The following BRMS1L variants were observed in gnomAD, a reference collection of about 807,000 sequenced individuals.
BRMS1L encodes BRMS1 like transcriptional repressor.
BRMS1L carries 23 observed loss-of-function variants against 50.3 expected under a neutral mutation model. The observed-to-expected ratio is 0.46, with a 90% confidence interval of 0.33 to 0.65. The LOEUF is 0.65. Ranked by LOEUF, BRMS1L falls within the 30% of genes least tolerant of loss-of-function variation. The pLI is 0.02. For missense variants in BRMS1L, 286 were observed against 386.1 expected (o/e 0.74, Z 2.17); for synonymous variants, 114 against 126.9 (o/e 0.90, Z 0.69).
At chr14:35,831,245 T>G (rs1271101737) in intron 1 of BRMS1L, among the ~76,000 whole-genome samples, 165 bp from the exon 2 acceptor site, 1 of 152,194 alleles carries the variant, frequency 6.6e-6, no homozygotes, top group Non-Finnish European at 1.5e-5. Flanking sequence ...CAGCAGAAAT[T>G]ATTATTTTTG....
Position 35,833,126 on chromosome 14 carries a change from T to C in BRMS1L, c.361+21T>C, listed in dbSNP as rs754682205. ...AGCAGGTAGGAAAGTGAAGAATCTT[T>C]TCCATATATAGAATGTAAACTCTTC... On this transcript the variant is annotated intron_variant, in intron 3 of 9. Coordinates refer to ENST00000216807, the MANE Select transcript of BRMS1L (RefSeq NM_032352.4). 5.6e-6 allele frequency: 9 copies of C among 1,600,494 alleles called. No homozygotes were observed. The South Asian group carries it at 8.9e-5, about 16-fold the overall frequency.
At chr14:35,831,095 G>A (rs2077914385) in intron 1 of BRMS1L, among the ~76,000 whole-genome samples, 1 of 151,686 alleles carries the variant, frequency 6.6e-6, no homozygotes. Flanking sequence ...TCATGGTACC[G>A]TGCCCAGCTA....
At chr14:35,843,813 C>T (rs1024503536) in intron 4 of BRMS1L, among the ~76,000 whole-genome samples, 3 of 152,224 alleles carry the variant, frequency 2.0e-5, no homozygotes, top group African/African-American at 7.2e-5. Flanking sequence ...GGTGCTCTGT[C>T]CTAGGGAGAT....
Position 35,826,424 on chromosome 14 carries a change from G to T in BRMS1L, c.-93G>T. On this transcript the variant is annotated 5_prime_UTR_variant, in exon 1 of 10. Coordinates refer to ENST00000216807, the MANE Select transcript of BRMS1L (RefSeq NM_032352.4). ...GCCAAGGGGGCGAGCAAGCTCGGTG[G>T]CTGGGTGGGTTGGGGCGTTCCGCGC... The T allele has an allele frequency of 1.3e-6, 2 of 1,531,538 alleles. No individual in the cohort carries two copies. Among genetic ancestry groups the T allele is most frequent in the Non-Finnish European group, 1.8e-6 (2 of 1,138,000 alleles). The allele number at this position is 1,531,538 out of a possible 1,614,324, so 94.9% of individuals were successfully genotyped here.
In BRMS1L at chr14:35,859,421, G is replaced by A. The variant is rs186117333; in HGVS notation, c.442-3169G>A. 4.8e-3 allele frequency among the ~76,000 whole-genome samples: 732 copies of A among 152,242 alleles called. 7 individuals are homozygous for A. The highest frequency in any genetic ancestry group is 0.016 in the African/African-American group (678 of 41,532). ...ATCATGTTTCCTCAGAATTTTGAAG[G>A]CATTGTTCCATTATCTTCTAGCTTC... On this transcript the variant is annotated intron_variant, in intron 4 of 9. Coordinates refer to ENST00000216807, the MANE Select transcript of BRMS1L (RefSeq NM_032352.4).
At chr14:35,867,820 G>T in intron 8 of BRMS1L, 86 bp from the exon 9 acceptor site, 3 of 1,311,728 alleles carry the variant, frequency 2.3e-6, no homozygotes, top group Non-Finnish European at 3.0e-6. Flanking sequence ...CATATGCATG[G>T]ATTGATGTTA....
chr14:35,855,347 G>A (rs1365643037), intron 4 of BRMS1L, among the ~76,000 whole-genome samples: 3 of 151,998 alleles, frequency 2.0e-5, no homozygotes, highest in East Asian at 1.9e-4. Context: ...CCACCTCAGC[G>A]TCCCAAAGCA....
chr14:35,826,455 T>A lies in BRMS1L; in HGVS notation c.-62T>A. 1 of 1,549,114 alleles carries A rather than the reference T, an allele frequency of 6.5e-7. No homozygotes were observed. Among genetic ancestry groups the A allele is most frequent in the South Asian group, 1.2e-5 (1 of 84,024 alleles). On this transcript the variant is annotated 5_prime_UTR_variant, in exon 1 of 10. Coordinates refer to ENST00000216807, the MANE Select transcript of BRMS1L (RefSeq NM_032352.4). ...TGGGTTGGGGCGTTCCGCGCGCCCT[T>A]CATTGAAGCGGCGGTGGCCGGGCTG...
intron 4 of BRMS1L, among the ~76,000 whole-genome samples, chr14:35,838,201 A>T (rs2078018463): frequency 6.6e-6 from 1 of 152,088 alleles, no homozygotes; most frequent in South Asian, 2.1e-4. Context: ...AAGGACATGA[A>T]CTCATCCTTT....
At chr14:35,828,755 C>T (rs779461161) in intron 1 of BRMS1L, among the ~76,000 whole-genome samples, 15 of 151,970 alleles carry the variant, frequency 9.9e-5, no homozygotes, top group Non-Finnish European at 1.9e-4. Flanking sequence ...CGTGCCTGGC[C>T]GACGTGTTGC....
rs746699961 is a variant in BRMS1L at position 35,832,954 on chromosome 14, CAT to C, written c.234-21_234-20del. On this transcript the variant is annotated intron_variant, in intron 2 of 9. Transcript: ENST00000216807. ...GCCTTTGTTGAGATTTTTAAATTAA[CAT>C]ATTAATTTTTGCTTTGTTAAGACTT... The C allele has an allele frequency of 2.3e-5, 36 of 1,564,086 alleles. No homozygotes were observed. In the South Asian group the frequency reaches 3.6e-4, roughly 16 times the overall value.
At chr14:35,857,940 T>A (rs1353504490) in intron 4 of BRMS1L, among the ~76,000 whole-genome samples, 2 of 150,990 alleles carry the variant, frequency 1.3e-5, no homozygotes, top group African/African-American at 4.9e-5. Flanking sequence ...ACATGTACAG[T>A]TGTATTGATT....
intron 6 of BRMS1L, 44 bp from the exon 7 acceptor site, chr14:35,864,891 A>G: frequency 7.7e-7 from 1 of 1,290,752 alleles, no homozygotes; most frequent in Non-Finnish European, 1.1e-6. Context: ...AATATAATTC[A>G]AAGTGTGATA....
chr14:35,836,287 G>A (rs2077992123), intron 4 of BRMS1L, among the ~76,000 whole-genome samples: 1 of 152,130 alleles, frequency 6.6e-6, no homozygotes, highest in Non-Finnish European at 1.5e-5. Flanking sequence ...CTGCAAAGAA[G>A]TTTTACATTT....
rs1186835697 is a variant in BRMS1L at position 35,828,540 on chromosome 14, C to T, written c.142+1882C>T. 2.1e-5 allele frequency among the ~76,000 whole-genome samples: 3 copies of T among 141,938 alleles called. No homozygotes were observed. The Admixed American group carries it at 2.2e-4, about 11-fold the overall frequency. The allele number at this position is 141,938 out of a possible 152,430, so 93.1% of individuals were successfully genotyped here. A position where few individuals can be genotyped will look rare whatever the true frequency, so the allele number is the denominator to read the frequency against. On this transcript the variant is annotated intron_variant, in intron 1 of 9. Transcript: ENST00000216807. ...CCAGGCTGGAGTGCAATGGCATCAT[C>T]TTGGCTCACTGCAACCTCCACCTCC... is the stretch of plus-strand genomic sequence containing the variant.
chr14:35,863,360 A>G (rs2142062377), intron 5 of BRMS1L, among the ~76,000 whole-genome samples: 1 of 152,288 alleles, frequency 6.6e-6, no homozygotes, highest in East Asian at 1.9e-4. Context: ...AAGGTCTACT[A>G]GGTTATCCTA....
chr14:35,845,007 A>G (rs1470773898), intron 4 of BRMS1L, among the ~76,000 whole-genome samples: 1 of 152,072 alleles, frequency 6.6e-6, no homozygotes, highest in Non-Finnish European at 1.5e-5. Flanking sequence ...CAGGCTCGTA[A>G]GTAGTTAGGA....
chr14:35,844,882 A>T lies in BRMS1L; in HGVS notation c.441+9959A>T, dbSNP rs76468678. Among the ~76,000 whole-genome samples, 2,073 of 152,026 alleles carry T rather than the reference A, an allele frequency of 0.014. 79 individuals are homozygous for T. In the South Asian group the frequency reaches 0.15, roughly 11 times the overall value. ...CATACCTCTCTTTTTTAATTAATTA[A>T]TTTTTTTTAAACTTTAGAGACATGG... On this transcript the variant is annotated intron_variant, in intron 4 of 9. Transcript: ENST00000216807.
chr14:35,862,785 T>G, intron 5 of BRMS1L, 99 bp downstream of exon 5: 1 of 563,572 alleles, frequency 1.8e-6, no homozygotes, highest in Non-Finnish European at 2.8e-6. Flanking sequence ...TAATATTATG[T>G]AAATGAAATG....
Sources: allele counts gnomAD v4.1 joint callset (sites outside exome capture counted in the v4.1 genomes callset), GRCh38; gene constraint gnomAD v4.1.1; transcripts MANE v1.5; gene names NCBI Gene and HGNC (gene_info 2026-07-23, HGNC 2026-07-21).